HS3ST5: variants seen among roughly 807,000 people sequenced by gnomAD.
HS3ST5 encodes heparan sulfate-glucosamine 3-sulfotransferase 5.
In HS3ST5, 10 loss-of-function variants were observed where a neutral mutation model predicts 25.4. The ratio of observed to expected loss-of-function variants is 0.39; its 90% CI spans 0.24 to 0.67. The LOEUF (loss-of-function observed/expected upper bound fraction) is 0.67. Ranked by LOEUF, HS3ST5 falls within the 30% of genes least tolerant of loss-of-function variation. The pLI, the probability that HS3ST5 is intolerant of heterozygous loss-of-function variation, is 0.44. For missense variants in HS3ST5, 324 were observed against 420.7 expected (o/e 0.77, Z 2.01); for synonymous variants, 170 against 162.4 (o/e 1.05, Z -0.36).
chr6:114,313,811 C>T (rs1031887348), intron 1 of HS3ST5, among the ~76,000 whole-genome samples: 53 of 152,104 alleles, frequency 3.5e-4, no homozygotes, highest in African/African-American at 1.2e-3. Context: ...AATTATGTAT[C>T]GATCGAGTAA....
intron 1 of HS3ST5, among the ~76,000 whole-genome samples, chr6:114,237,398 C>T (rs1005746603): frequency 6.6e-6 from 1 of 151,618 alleles, no homozygotes; most frequent in Non-Finnish European, 1.5e-5. Context: ...CTAGGCTCTA[C>T]TATGGCCTGA....
intron 2 of HS3ST5, among the ~76,000 whole-genome samples, chr6:114,218,234 A>G (rs1446286407): frequency 6.6e-6 from 1 of 152,122 alleles, no homozygotes; most frequent in East Asian, 1.9e-4. Context: ...CTGACCTCAG[A>G]TGATCTGTCC....
At chr6:114,313,908 T>G (rs546033710) in intron 1 of HS3ST5, among the ~76,000 whole-genome samples, 1 of 142,372 alleles carries the variant, frequency 7.0e-6, no homozygotes, top group South Asian at 2.4e-4. Context: ...AACTAGATTG[T>G]TGGATCTAAC....
intron 3 of HS3ST5, among the ~76,000 whole-genome samples, chr6:114,158,497 T>G (rs1051660787): frequency 8.5e-5 from 13 of 152,154 alleles, no homozygotes; most frequent in African/African-American, 3.1e-4. Context: ...GTTATGTCAT[T>G]TTGTTCTCAC....
intron 3 of HS3ST5, among the ~76,000 whole-genome samples, chr6:114,086,844 CAGAGAAGAT>C (rs1346994936): frequency 6.6e-6 from 1 of 152,142 alleles, no homozygotes; most frequent in African/African-American, 2.4e-5. Flanking sequence ...AAACTTTGAA[CAGAGAAGAT>C]AATGCAATTG....
chr6:114,080,019 C>T (rs182167602), intron 3 of HS3ST5, among the ~76,000 whole-genome samples: 13 of 152,234 alleles, frequency 8.5e-5, no homozygotes, highest in South Asian at 8.3e-4. Context: ...TTAGGTGATC[C>T]GCCCGCCCCA....
chr6:114,294,148 G>A (rs1774707614), intron 1 of HS3ST5, among the ~76,000 whole-genome samples: 1 of 152,164 alleles, frequency 6.6e-6, no homozygotes. Context: ...TGTTTCAGAT[G>A]ATTGAAGATG....
Position 114,225,086 on chromosome 6 carries a change from G to A in HS3ST5, c.-145+3499C>T, listed in dbSNP as rs112827067. Among the ~76,000 whole-genome samples, 663 of 151,804 alleles carry A rather than the reference G, an allele frequency of 4.4e-3. 6 individuals carry two copies. The highest frequency in any genetic ancestry group is 0.015 in the African/African-American group (643 of 41,508). On this transcript the variant is annotated intron_variant, in intron 2 of 4. Coordinates refer to ENST00000312719, the MANE Select transcript of HS3ST5 (RefSeq NM_153612.4). The stretch of plus-strand genomic sequence containing the variant: ...TAAAACCTTTGGTACCATAAGGGAT[G>A]GTGAATTCATTATCTACCATGGCAT...
chr6:114,341,121 TG>T (rs937215231), intron 1 of HS3ST5, among the ~76,000 whole-genome samples: 2 of 143,060 alleles, frequency 1.4e-5, no homozygotes, highest in African/African-American at 5.2e-5. Context: ...AAGAAGAAAC[TG>T]GTATTCGTAT....
chr6:114,300,793 C>G (rs1010357530), intron 1 of HS3ST5, among the ~76,000 whole-genome samples: 2 of 152,128 alleles, frequency 1.3e-5, no homozygotes, highest in African/African-American at 4.8e-5. Context: ...ATGGTATATT[C>G]ATACAATAGA....
At chr6:114,216,592 AGTGAACTAGAGAATGAGCTAATGT>A (rs982469139) in intron 2 of HS3ST5, among the ~76,000 whole-genome samples, 1 of 152,204 alleles carries the variant, frequency 6.6e-6, no homozygotes, top group Non-Finnish European at 1.5e-5. Context: ...AGTTGAAAAA[AGTGAACTAGAGAATGAGCTAATGT>A]GTGAAGGCAT....
intron 2 of HS3ST5, among the ~76,000 whole-genome samples, chr6:114,212,201 T>C (rs916691322): frequency 6.6e-6 from 1 of 152,318 alleles, no homozygotes; most frequent in African/African-American, 2.4e-5. Flanking sequence ...GGGAGTCTCC[T>C]CTCTAGGATA....
At chr6:114,190,959 G>A (rs926961273) in intron 2 of HS3ST5, among the ~76,000 whole-genome samples, 2 of 152,104 alleles carry the variant, frequency 1.3e-5, no homozygotes, top group African/African-American at 4.8e-5. Flanking sequence ...AGATTATTGG[G>A]GGGTGAAGGT....
chr6:114,341,256 A>AGG (rs1776852715), intron 1 of HS3ST5, among the ~76,000 whole-genome samples: 1 of 149,504 alleles, frequency 6.7e-6, no homozygotes, highest in African/African-American at 2.5e-5. Flanking sequence ...AGAGAGAGAG[A>AGG]GAGAGTGAGT....
chr6:114,217,943 G>C (rs116837321), intron 2 of HS3ST5, among the ~76,000 whole-genome samples: 46 of 152,264 alleles, frequency 3.0e-4, no homozygotes, highest in African/African-American at 1.1e-3. Context: ...AAATATTTAA[G>C]TTACCATCTT....
intron 3 of HS3ST5, among the ~76,000 whole-genome samples, chr6:114,064,106 C>T (rs1773310002): frequency 6.6e-6 from 1 of 152,106 alleles, no homozygotes; most frequent in Admixed American, 6.5e-5. Flanking sequence ...TATTGAAACT[C>T]AAAATAGTAA....
At chr6:114,119,246 CAA>C (rs1776670511) in intron 3 of HS3ST5, among the ~76,000 whole-genome samples, 1 of 152,142 alleles carries the variant, frequency 6.6e-6, no homozygotes. Context: ...GTGAGTCAGC[CAA>C]AGTCTTTCCT....
chr6:114,306,158 A>C (rs1775278300), intron 1 of HS3ST5, among the ~76,000 whole-genome samples: 1 of 150,914 alleles, frequency 6.6e-6, no homozygotes, highest in South Asian at 2.1e-4. Flanking sequence ...CTATTCTCAT[A>C]AGGGTCCAAA....
Position 114,057,069 on chromosome 6 carries a change from A to ATTTT in HS3ST5, c.*184_*187dup. 2.5e-6 allele frequency: 1 copy of ATTTT among 406,766 alleles called. No individual in the cohort carries two copies. The highest frequency in any genetic ancestry group is 4.4e-6 in the Non-Finnish European group (1 of 228,790). The allele number at this position is 406,766 out of a possible 1,614,324, so 25.2% of individuals were successfully genotyped here. On this transcript the variant is annotated 3_prime_UTR_variant, in exon 5 of 5. Transcript: ENST00000312719. Reference sequence around the variant, plus strand: ...AAAAGATGCGACTATGCAGACAGCAATTTTTTTTTTTTCGTAAATTTTCAG... The same window carrying ATTTT: ...AAAAGATGCGACTATGCAGACAGCAATTTTTTTTTTTTTTTTCGTAAATTTTCAG...
Sources: allele counts gnomAD v4.1 joint callset (sites outside exome capture counted in the v4.1 genomes callset), GRCh38; gene constraint gnomAD v4.1.1; transcripts MANE v1.5; gene names NCBI Gene and HGNC (gene_info 2026-07-23, HGNC 2026-07-21).